Variants in C11orf91 observed in about 807,000 individuals in gnomAD.
C11orf91 encodes chromosome 11 open reading frame 91, also known as uncharacterized protein C11orf91.
In C11orf91, 10 loss-of-function variants were observed where a neutral mutation model predicts 14.3. The observed-to-expected ratio is 0.70, with a 90% confidence interval of 0.43 to 1.18. The LOEUF is 1.18. Ranked by LOEUF, C11orf91 falls within the 50% of genes most tolerant of loss-of-function variation. The pLI is 0.00. For missense variants in C11orf91, 236 were observed against 269.0 expected (o/e 0.88, Z 0.86); for synonymous variants, 141 against 130.6 (o/e 1.08, Z -0.54).
chr11:33,698,542 G>A (rs925151627), intron 1 of C11orf91, 28 bp from the exon 2 acceptor site: 45 of 1,469,710 alleles, frequency 3.1e-5, no homozygotes, highest in Admixed American at 7.9e-5. Flanking sequence ...AAACTTAGCC[G>A]TAATAGAGAT....
chr11:33,704,118 A>C (rs1853212459), upstream of C11orf91: 1 of 152,172 alleles, frequency 6.6e-6, no homozygotes, highest in African/African-American at 2.4e-5. Context: ...CTTTAGGGAT[A>C]TGTCACAATT....
In C11orf91 at chr11:33,700,778, C is replaced by T. The variant is rs529730497; in HGVS notation, c.-38G>A. The T allele has an allele frequency of 2.4e-6, 3 of 1,261,944 alleles. No homozygotes were observed. The highest frequency in any genetic ancestry group is 3.1e-5 in the South Asian group (1 of 32,038). The allele number at this position is 1,261,944 out of a possible 1,614,324, so 78.2% of individuals were successfully genotyped here. A position where few individuals can be genotyped will look rare whatever the true frequency, so the allele number is the denominator to read the frequency against. On this transcript the variant is annotated 5_prime_UTR_variant, in exon 1 of 2. Transcript: ENST00000379011. ...GGTCTGCGTGGGAGGAACCCCGCGCCGGGAGACGCGCGCTCAGGCCCCGAG... is the reference window on the plus strand; with the variant it reads ...GGTCTGCGTGGGAGGAACCCCGCGCTGGGAGACGCGCGCTCAGGCCCCGAG...
At position 33,700,697 on chromosome 11, in the gene C11orf91, T is replaced by C. The variant is rs1159456159; in HGVS notation, c.44A>G (p.Gln15Arg). ...RRGSHSPTMSQRSAPPLYFPS... is the reference protein window; with the variant it reads ...RRGSHSPTMSRRSAPPLYFPS... ...GAAATAGAGGGGCGGAGCCGACCGC[T>C]GGCTCATGGTGGGGCTGTGGCTGCC... Residue 15 changes from glutamine (Q) to arginine (R), a missense_variant, in exon 1 of 2, where the codon CAG (glutamine) becomes CGG (arginine). Physicochemically the swap from Gln to Arg is conservative, Grantham distance 43. Transcript: ENST00000379011. 7.0e-7 allele frequency: 1 copy of C among 1,426,226 alleles called. No individual in the cohort carries two copies. Among genetic ancestry groups the C allele is most frequent in the East Asian group, 3.0e-5 (1 of 32,986 alleles). 88.3% of individuals were successfully genotyped at this position (1,426,226 alleles called of 1,614,324 possible).
rs755471926 is a variant in C11orf91, at chr11:33,700,414, G to T, written c.327C>A (p.Phe109Leu). Residue 109 changes from phenylalanine to leucine, a missense_variant, in exon 1 of 2, where the codon TTC (phenylalanine) becomes TTA (leucine). Transcript: ENST00000379011. ...CCTCAGGCCCCGGCGGCGGTGAGTA[G>T]AAGAAGCGCAGAGGCTCGTAGGGGA... The part of the protein sequence containing the change: ...ASIPYEPLRF[F>L]YSPPPGPEVV... 1.8e-5 allele frequency: 27 copies of T among 1,518,326 alleles called. 1 individual carries two copies. In the South Asian group the frequency reaches 3.1e-4, roughly 18 times the overall value. 94.1% of individuals were successfully genotyped at this position (1,518,326 alleles called of 1,614,324 possible).
In C11orf91 at chr11:33,700,369, G is replaced by A. The variant is rs569971488; in HGVS notation, c.372C>T (p.Val124=). 1 of 1,534,810 alleles carries A rather than the reference G, an allele frequency of 6.5e-7. No homozygotes were observed. The highest frequency in any genetic ancestry group is 2.0e-5 in the Admixed American group (1 of 50,902). The change falls in exon 1 of 2, where the codon GTC becomes GTT. Residue 124 remains valine, a synonymous_variant. Coordinates refer to ENST00000379011, the MANE Select transcript of C11orf91 (RefSeq NM_001166692.2). ...CGAGCCTGGGGGTCGAGGGGCAGGG[G>A]ACCAGGGGCGAGGCAACCACCTCAG... ...PGPEVVASPL[V]PCPSTPRLAS... is the part of the protein sequence containing the mutation.
chr11:33,700,169 G>T, intron 1 of C11orf91, 76 bp downstream of exon 1: 2 of 1,433,870 alleles, frequency 1.4e-6, no homozygotes, highest in South Asian at 1.4e-5. Flanking sequence ...GCTACATTTC[G>T]GGTCGGGGCA....
At chr11:33,701,754 A>AGTGTGTGTGTGTGTGTGTGTGTGT (rs35903408), upstream of C11orf91, among the ~76,000 whole-genome samples, 3 of 148,926 alleles carry the variant, frequency 2.0e-5, no homozygotes, top group African/African-American at 7.5e-5. Flanking sequence ...CACAGTGCAA[A>AGTGTGTGTGTGTGTGTGTGTGTGT]GTGTGTGTGT....
upstream of C11orf91, chr11:33,704,317 T>C (rs1853221865): frequency 6.6e-6 from 1 of 152,208 alleles, no homozygotes; most frequent in Admixed American, 6.5e-5. Flanking sequence ...GATGGACATA[T>C]GTATAAGCAG....
chr11:33,699,664 G>C (rs1182125393), intron 1 of C11orf91: 1 of 456,202 alleles, frequency 2.2e-6, no homozygotes, highest in Non-Finnish European at 4.4e-6. Context: ...CCTGGTGAGA[G>C]AACTACCGGC....
At position 33,698,415 on chromosome 11, in the gene C11orf91, TG is replaced by T; in HGVS notation, c.*13del. On this transcript the variant is annotated 3_prime_UTR_variant, in exon 2 of 2. Transcript: ENST00000379011. ...CCTAAGGAGGTGGCTGCCCAAGCTC[TG>T]GTAGGCAGCTCCTCAGGAGAGAGAG... is the stretch of plus-strand genomic sequence containing the variant. 6.6e-7 allele frequency: 1 copy of T among 1,510,146 alleles called. No homozygotes were observed. Among genetic ancestry groups the T allele is most frequent in the Non-Finnish European group, 8.9e-7 (1 of 1,122,050 alleles). 93.5% of individuals were successfully genotyped at this position (1,510,146 alleles called of 1,614,324 possible). A position where few individuals can be genotyped will look rare whatever the true frequency, so the allele number is the denominator to read the frequency against.
At chr11:33,699,698 G>A in intron 1 of C11orf91, 1 of 453,926 alleles carries the variant, frequency 2.2e-6, no homozygotes, top group Admixed American at 2.4e-5. Flanking sequence ...AGTCCCAGGG[G>A]GGCTGCCCCC....
chr11:33,700,941 CT>C, upstream of C11orf91: 1 of 422,272 alleles, frequency 2.4e-6, no homozygotes, highest in Non-Finnish European at 4.0e-6. Flanking sequence ...CCCACCTCGG[CT>C]GGCCGCACCC....
upstream of C11orf91, chr11:33,700,912 G>C (rs11032346): frequency 0.093 from 48,220 of 517,428 alleles, 2,956 homozygotes; most frequent in East Asian, 0.24. Flanking sequence ...GGACGACCAC[G>C]TCCCGGAACG....
chr11:33,704,891 G>C (rs1853247548), upstream of C11orf91: 2 of 152,584 alleles, frequency 1.3e-5, no homozygotes, highest in Non-Finnish European at 2.9e-5. Context: ...GCCCAGAACA[G>C]TCTTTCCTTT....
upstream of C11orf91, chr11:33,700,900 C>A (rs1853114536): frequency 1.6e-6 from 1 of 643,698 alleles, no homozygotes; most frequent in Non-Finnish European, 2.2e-6. Context: ...GTTCCAAAGC[C>A]CGGACGACCA....
At chr11:33,700,214 T>C in intron 1 of C11orf91, 31 bp downstream of exon 1, 1 of 1,520,784 alleles carries the variant, frequency 6.6e-7, no homozygotes, top group Non-Finnish European at 8.8e-7. Context: ...AGGCTAAGGC[T>C]GGGCTCGGTG....
chr11:33,701,916 C>T (rs555296766), upstream of C11orf91, among the ~76,000 whole-genome samples: 90 of 151,786 alleles, frequency 5.9e-4, no homozygotes, highest in Non-Finnish European at 1.1e-3. Flanking sequence ...AAACAGAAGA[C>T]GGAACAGTGT....
chr11:33,700,910 A>T, upstream of C11orf91: 1 of 527,148 alleles, frequency 1.9e-6, no homozygotes. Flanking sequence ...CCGGACGACC[A>T]CGTCCCGGAA....
chr11:33,700,631 C>T lies in C11orf91; in HGVS notation c.110G>A (p.Ser37Asn). ...YDRGISSSPLSDFNIWKKLFV... is the reference protein window; with the variant it reads ...YDRGISSSPLNDFNIWKKLFV... ...GAGCTTCTTCCAGATGTTGAAGTCG[C>T]TGAGCGGGGACGAGGAGATGCCGCG... The change falls in exon 1 of 2, where the codon AGC becomes AAC. Residue 37 changes from serine to asparagine, a missense_variant. Physicochemically the swap from Ser to Asn is conservative, Grantham distance 46. Transcript: ENST00000379011. The T allele has an allele frequency of 6.8e-7, 1 of 1,475,400 alleles. No homozygotes were observed. Among genetic ancestry groups the T allele is most frequent in the Non-Finnish European group, 8.9e-7 (1 of 1,117,930 alleles). The allele number at this position is 1,475,400 out of a possible 1,614,324, so 91.4% of individuals were successfully genotyped here. A position where few individuals can be genotyped will look rare whatever the true frequency, so the allele number is the denominator to read the frequency against.
Sources: allele counts gnomAD v4.1 joint callset (sites outside exome capture counted in the v4.1 genomes callset), GRCh38; gene constraint gnomAD v4.1.1; transcripts MANE v1.5; gene names NCBI Gene and HGNC (gene_info 2026-07-23, HGNC 2026-07-21).